Variants in MYSM1 observed in about 807,000 individuals in gnomAD.
MYSM1 encodes the protein Myb like, SWIRM and MPN domains 1.
A neutral mutation model predicts 116.0 loss-of-function variants in MYSM1; 51 were observed. The observed-to-expected ratio is 0.44, with a 90% confidence interval of 0.35 to 0.56. The LOEUF (loss-of-function observed/expected upper bound fraction) is 0.56, where lower values mean the gene tolerates loss of function less well. Ranked by LOEUF, MYSM1 falls within the 20% of genes least tolerant of loss-of-function variation. The pLI, the probability that MYSM1 is intolerant of heterozygous loss-of-function variation, is 0.00. For missense variants in MYSM1, 900 were observed against 974.9 expected (o/e 0.92, Z 1.02); for synonymous variants, 313 against 315.2 (o/e 0.99, Z 0.07).
intron 6 of MYSM1, among the ~76,000 whole-genome samples, chr1:58,685,634 A>G (rs1304627184): frequency 1.3e-5 from 2 of 151,478 alleles, no homozygotes; most frequent in Non-Finnish European, 3.0e-5. Flanking sequence ...TCAACTGAAC[A>G]TGTTCTGTGC....
At chr1:58,698,226 A>T (rs1332493598) in intron 1 of MYSM1, among the ~76,000 whole-genome samples, 1 of 147,358 alleles carries the variant, frequency 6.8e-6, no homozygotes, top group African/African-American at 2.5e-5. Flanking sequence ...TCAGCCTCCC[A>T]AGTACCTGGG....
chr1:58,666,660 G>A (rs1007223030), intron 16 of MYSM1, among the ~76,000 whole-genome samples: 1 of 150,416 alleles, frequency 6.6e-6, no homozygotes, highest in African/African-American at 2.4e-5. Flanking sequence ...ATCACCTGAG[G>A]TCAGGAGTTT....
Position 58,657,684 on chromosome 1 carries a change from T to G in MYSM1, c.*2313A>C, listed in dbSNP as rs1198177199. On this transcript the variant is annotated 3_prime_UTR_variant, in exon 20 of 20. Transcript: ENST00000472487. ...TTTTTAAATAGTAGCACTGAGATAT[T>G]TGTACTTCACACTTCTCTGTATTTT... 6.6e-6 allele frequency: 1 copy of G among 152,178 alleles called. No individual in the cohort carries two copies. The highest frequency in any genetic ancestry group is 6.6e-5 in the Admixed American group (1 of 15,266). The allele number at this position is 152,178 out of a possible 1,614,324, so 9.4% of individuals were successfully genotyped here. A position where few individuals can be genotyped will look rare whatever the true frequency, so the allele number is the denominator to read the frequency against.
rs774242343 is a variant in MYSM1, at chr1:58,682,450, T to C, written c.594A>G (p.Pro198=). Residue 198 remains proline, a synonymous_variant, in exon 8 of 20, where the codon CCA becomes CCG. Coordinates refer to ENST00000472487, the MANE Select transcript of MYSM1 (RefSeq NM_001085487.3). ...NEDKGTKAWT[P]SCLRGRADPN... Reference sequence around the variant, plus strand: ...GATCAGCACGTCCCCTTAAACATGATGGTGTCCATGCCTTTGTCCCTTTAT... The same window carrying C: ...GATCAGCACGTCCCCTTAAACATGACGGTGTCCATGCCTTTGTCCCTTTAT... The C allele has an allele frequency of 1.2e-6, 2 of 1,614,174 alleles. No homozygotes were observed. The highest frequency in any genetic ancestry group is 1.1e-5 in the South Asian group (1 of 91,088).
chr1:58,674,154 C>A (rs1418403087), intron 10 of MYSM1, among the ~76,000 whole-genome samples: 1 of 151,912 alleles, frequency 6.6e-6, no homozygotes, highest in Non-Finnish European at 1.5e-5. Flanking sequence ...CTCAGACTCC[C>A]GAGTAGGAAC....
At chr1:58,689,657 G>C (rs1465124029) in intron 5 of MYSM1, 2 of 152,584 alleles carry the variant, frequency 1.3e-5, no homozygotes, top group Non-Finnish European at 2.9e-5. Flanking sequence ...TAATCCTTTT[G>C]TTAACTTCAT....
intron 7 of MYSM1, among the ~76,000 whole-genome samples, chr1:58,684,703 C>A (rs1401922341): frequency 1.3e-5 from 2 of 151,946 alleles, no homozygotes; most frequent in African/African-American, 4.8e-5. Flanking sequence ...AAGTTTCAGA[C>A]AATTTTTCAT....
chr1:58,689,572 T>G (rs1290313283), intron 5 of MYSM1: 1 of 152,800 alleles, frequency 6.5e-6, no homozygotes, highest in Non-Finnish European at 1.5e-5. Context: ...AGCATTGTAT[T>G]TATTGCTTTT....
At chr1:58,685,848 T>TA (rs1426467926) in intron 6 of MYSM1, among the ~76,000 whole-genome samples, 1 of 152,238 alleles carries the variant, frequency 6.6e-6, no homozygotes, top group Middle Eastern at 3.2e-3. Flanking sequence ...CCCGTTTCAT[T>TA]ACTCATCAGA....
At chr1:58,666,856 A>G (rs1644478617) in intron 16 of MYSM1, among the ~76,000 whole-genome samples, 182 bp downstream of exon 16, 1 of 151,484 alleles carries the variant, frequency 6.6e-6, no homozygotes, top group South Asian at 2.1e-4. Context: ...CTTGGGCAAC[A>G]AGAGCGAAAC....
chr1:58,671,799 G>C (rs1040208385), intron 12 of MYSM1, 71 bp downstream of exon 12: 9 of 1,109,212 alleles, frequency 8.1e-6, no homozygotes, highest in African/African-American at 1.6e-5. Context: ...TGCAGCTATT[G>C]AATATTTTTT....
chr1:58,690,141 CAGGCCAACTATAA>C, intron 5 of MYSM1, 72 bp downstream of exon 5: 1 of 1,149,502 alleles, frequency 8.7e-7, no homozygotes, highest in Non-Finnish European at 1.2e-6. Context: ...GGCTTTTCCA[CAGGCCAACTATAA>C]TTAAAAAAAA....
chr1:58,687,649 A>G (rs1177756877), intron 6 of MYSM1, among the ~76,000 whole-genome samples: 1 of 152,180 alleles, frequency 6.6e-6, no homozygotes, highest in Non-Finnish European at 1.5e-5. Context: ...CAAAGGCCCA[A>G]CTAAAGAAAT....
At chr1:58,669,836 CAA>C (rs58828009) in intron 12 of MYSM1, among the ~76,000 whole-genome samples, 1 of 14,596 alleles carries the variant, frequency 6.9e-5, no homozygotes, top group African/African-American at 2.7e-4. Context: ...ACCCTGTCTC[CAA>C]AAAAAAAAAA....
intron 1 of MYSM1, among the ~76,000 whole-genome samples, chr1:58,698,100 A>ATTTTTTTTTTTTTTTT (rs1446935480): frequency 1.6e-3 from 8 of 4,960 alleles, no homozygotes; most frequent in African/African-American, 2.4e-3. Context: ...ATATATATAT[A>ATTTTTTTTTTTTTTTT]TATTTTTTTT....
At chr1:58,666,203 T>C (rs1644466831) in intron 16 of MYSM1, among the ~76,000 whole-genome samples, 1 of 152,172 alleles carries the variant, frequency 6.6e-6, no homozygotes, top group African/African-American at 2.4e-5. Context: ...ACAATCTGTA[T>C]TTGCCATGAA....
At chr1:58,693,952 TG>T (rs1280453066) in intron 2 of MYSM1, among the ~76,000 whole-genome samples, 2 of 152,208 alleles carry the variant, frequency 1.3e-5, no homozygotes, top group Non-Finnish European at 2.9e-5. Flanking sequence ...TGCCACATGC[TG>T]CCACTCCTTC....
chr1:58,685,264 A>C lies in MYSM1; in HGVS notation c.400-13T>G. 1 of 1,595,460 alleles carries C rather than the reference A, an allele frequency of 6.3e-7. No individual in the cohort carries two copies. The highest frequency in any genetic ancestry group is 8.5e-7 in the Non-Finnish European group (1 of 1,171,240). On this transcript the variant is annotated splice_polypyrimidine_tract_variant and intron_variant, in intron 6 of 19. Transcript: ENST00000472487. ...GGCCAAATTTAGCCTGTATTATTAAAATGGGAAAAAAAATTGCTTTTGATG... is the reference window on the plus strand; with the variant it reads ...GGCCAAATTTAGCCTGTATTATTAACATGGGAAAAAAAATTGCTTTTGATG...
At chr1:58,698,102 A>ATATATATATTTTTTTTTTTTTTTTTTTT in intron 1 of MYSM1, among the ~76,000 whole-genome samples, 2 of 7,768 alleles carry the variant, frequency 2.6e-4, no homozygotes, top group African/African-American at 5.1e-4. Context: ...ATATATATAT[A>ATATATATATTTTTTTTTTTTTTTTTTTT]TTTTTTTTTT....
Sources: gnomAD v4.1 joint callset for allele counts (sites outside exome capture counted in the v4.1 genomes callset) on GRCh38, gnomAD v4.1.1 for gene constraint, MANE v1.5 for transcripts, NCBI Gene and HGNC (gene_info 2026-07-23, HGNC 2026-07-21) for gene names.